The following TRPM6 variants were observed in gnomAD, a reference collection of about 807,000 sequenced individuals.
TRPM6 encodes channel kinase 2.
TRPM6 carries 111 observed loss-of-function variants against 247.6 expected under a neutral mutation model. The ratio of observed to expected loss-of-function variants is 0.45; its 90% confidence interval spans 0.38 to 0.52. TRPM6 has a LOEUF of 0.52. Among genes scored for constraint, TRPM6 ranks in the 20% least tolerant of loss-of-function variants. TRPM6 has a pLI of 0.00. For missense variants in TRPM6, 2,126 were observed against 2,421.5 expected (o/e 0.88, Z 2.56); for synonymous variants, 892 against 853.8 (o/e 1.04, Z -0.78).
chr9:74,854,082 G>A (rs1458982624), intron 3 of TRPM6, among the ~76,000 whole-genome samples: 1 of 152,054 alleles, frequency 6.6e-6, no homozygotes, highest in East Asian at 1.9e-4. Flanking sequence ...ATGGAAATGT[G>A]GTATATAACA....
chr9:74,833,945 G>A (rs142434244), intron 6 of TRPM6, 53 bp downstream of exon 6: 2 of 1,608,978 alleles, frequency 1.2e-6, no homozygotes, highest in East Asian at 2.2e-5. Flanking sequence ...TGTTAAGCTG[G>A]CAATTTGCAC....
chr9:74,791,617 T>C (rs911627111), intron 19 of TRPM6, among the ~76,000 whole-genome samples: 2 of 151,662 alleles, frequency 1.3e-5, no homozygotes, highest in Non-Finnish European at 2.9e-5. Flanking sequence ...TTAGTATTTG[T>C]TCACACAGTT....
rs1395826968 is a variant in TRPM6 at position 74,755,439 on chromosome 9, T to C, written c.4820A>G (p.Gln1607Arg). ...ITVNACSQSDQLNPEPGENSI... is the reference protein window; with the variant it reads ...ITVNACSQSDRLNPEPGENSI... ...GTTTTCTCCTGGCTCTGGATTCAAC[T>C]GGTCACTCTGAGAGCAGGCATTGAC... The change falls in exon 28 of 39, where the codon CAG becomes CGG. Residue 1607 changes from glutamine to arginine, a missense_variant. This residue lies in a region of TRPM6 where 717 missense variants were observed against 715.9 expected (regional missense o/e 1.00). Transcript: ENST00000360774. The C allele has an allele frequency of 6.2e-7, 1 of 1,614,154 alleles. No individual in the cohort carries two copies. Among genetic ancestry groups the C allele is most frequent in the South Asian group, 1.1e-5 (1 of 91,086 alleles).
intron 14 of TRPM6, among the ~76,000 whole-genome samples, chr9:74,805,429 C>T (rs912642850): frequency 2.0e-5 from 3 of 152,138 alleles, no homozygotes; most frequent in African/African-American, 7.2e-5. Flanking sequence ...GGCCGCTAAT[C>T]CCAGAAATTA....
intron 14 of TRPM6, 83 bp downstream of exon 14, chr9:74,807,951 G>T: frequency 6.7e-7 from 1 of 1,502,904 alleles, no homozygotes; most frequent in Non-Finnish European, 9.2e-7. Context: ...AGCTATTTTT[G>T]TCTGAACTTC....
At chr9:74,849,708 G>A (rs1423336687) in intron 3 of TRPM6, among the ~76,000 whole-genome samples, 1 of 152,206 alleles carries the variant, frequency 6.6e-6, no homozygotes, top group Non-Finnish European at 1.5e-5. Flanking sequence ...AAAAACAAGA[G>A]CTGAAGTGCA....
chr9:74,772,271 C>T (rs898487860), intron 24 of TRPM6, among the ~76,000 whole-genome samples: 2 of 152,170 alleles, frequency 1.3e-5, no homozygotes, highest in Non-Finnish European at 2.9e-5. Flanking sequence ...AAGCGAGACC[C>T]TGTCTCAAAA....
chr9:74,887,673 G>A (rs2118569610), intron 1 of TRPM6, 151 bp downstream of exon 1: 3 of 1,602,442 alleles, frequency 1.9e-6, no homozygotes, highest in East Asian at 4.5e-5. Flanking sequence ...CAGAGAACTT[G>A]AAAGCCGGTA....
In TRPM6 at chr9:74,739,944, A is replaced by G; in HGVS notation, c.5266T>C (p.Ser1756Pro). 1 of 1,614,112 alleles carries G rather than the reference A, an allele frequency of 6.2e-7. No individual in the cohort carries two copies. Among genetic ancestry groups the G allele is most frequent in the Non-Finnish European group, 8.5e-7 (1 of 1,180,016 alleles). ...SSPLNLDKSM[S>P]SWSQRGRAAM... ...GCTCTCCCACGCTGAGACCAAGAGG[A>G]CATGCTTTTATCAAGGTTTAAAGGG... The change falls in exon 34 of 39, where the codon TCC becomes CCC. Residue 1756 changes from serine (S) to proline (P), a missense_variant. Physicochemically the swap from Ser to Pro is moderately conservative, Grantham distance 74. Around this residue, in one of 3 missense-constraint regions of TRPM6, gnomAD observed 327 missense variants for 397.7 expected, o/e 0.82. Transcript: ENST00000360774.
chr9:74,816,710 T>G lies in TRPM6; in HGVS notation c.1267A>C (p.Ile423Leu), dbSNP rs1828945063. The G allele has an allele frequency of 2.5e-6, 4 of 1,614,210 alleles. No homozygotes were observed. In the East Asian group the frequency reaches 8.9e-5, roughly 36 times the overall value. Residue 423 changes from isoleucine to leucine, a missense_variant, in exon 11 of 39, where the codon ATT becomes CTT. Ile to Leu is a conservative substitution (Grantham distance 5, BLOSUM62 2). Around this residue, in one of 3 missense-constraint regions of TRPM6, gnomAD observed 1,082 missense variants for 1,307.9 expected, o/e 0.83. Transcript: ENST00000360774. ...NLAMAWDRVD[I>L]AKKHILIYEQ... ...TAAATTAGGATATGTTTCTTGGCAA[T>G]GTCCACCCTGTCCCAAGCCATTGCC...
chr9:74,789,976 A>G (rs1189755431), intron 19 of TRPM6, among the ~76,000 whole-genome samples: 5 of 148,534 alleles, frequency 3.4e-5, no homozygotes, highest in African/African-American at 9.9e-5. Flanking sequence ...AAAAAAAAAA[A>G]AAAAAAAAAG....
chr9:74,739,752 C>G lies in TRPM6; in HGVS notation c.5458G>C (p.Glu1820Gln), dbSNP rs1825802368. The G allele has an allele frequency of 6.2e-7, 1 of 1,613,552 alleles. No homozygotes were observed. Among genetic ancestry groups the G allele is most frequent in the Non-Finnish European group, 8.5e-7 (1 of 1,180,030 alleles). ...AGGCAAAGATGAAGCACAGTGCTCT[C>G]CTGGAAGATTTTATGCCATGTCCGC... The part of the protein sequence containing the change: ...VVRTWHKIFQ[E>Q]STVLHLCLRE... The change falls in exon 34 of 39, where the codon GAG becomes CAG. Residue 1820 changes from glutamate to glutamine, a missense_variant. Around this residue, in one of 3 missense-constraint regions of TRPM6, gnomAD observed 327 missense variants for 397.7 expected, o/e 0.82. Transcript: ENST00000360774.
At chr9:74,840,365 A>C in intron 4 of TRPM6, 128 bp from the exon 5 acceptor site, 3 of 689,300 alleles carry the variant, frequency 4.4e-6, no homozygotes, top group African/African-American at 1.8e-5. Flanking sequence ...GGATCTCTTT[A>C]AAGTTCATCT....
chr9:74,726,914 A>G (rs1039413605), intron 38 of TRPM6, among the ~76,000 whole-genome samples: 4 of 152,164 alleles, frequency 2.6e-5, no homozygotes, highest in African/African-American at 9.7e-5. Flanking sequence ...TTGGCTGTGC[A>G]CTAATCTCTT....
chr9:74,727,034 A>T (rs1290938467), intron 38 of TRPM6, among the ~76,000 whole-genome samples: 1 of 152,016 alleles, frequency 6.6e-6, no homozygotes, highest in African/African-American at 2.4e-5. Context: ...CTGGCTGACC[A>T]CTATATTCCC....
intron 19 of TRPM6, among the ~76,000 whole-genome samples, chr9:74,789,757 C>T (rs1244344142): frequency 6.6e-6 from 1 of 151,874 alleles, no homozygotes; most frequent in Non-Finnish European, 1.5e-5. Flanking sequence ...GTTAGGAGTT[C>T]GAGACCAGCC....
intron 9 of TRPM6, 196 bp downstream of exon 9, chr9:74,820,108 C>A: frequency 1.6e-6 from 1 of 615,540 alleles, no homozygotes; most frequent in South Asian, 1.9e-5. Context: ...ATCAACCCAT[C>A]ACTTAGGTAT....
At position 74,855,547 on chromosome 9, in the gene TRPM6, T is replaced by C. The variant is rs188804202; in HGVS notation, c.132A>G (p.Gln44=). The C allele has an allele frequency of 1.2e-6, 2 of 1,608,956 alleles. No individual in the cohort carries two copies. The highest frequency in any genetic ancestry group is 1.7e-5 in the Admixed American group (1 of 60,008). ...CTTACCTGATTAAATTCTGGCAGACTTGGCATACTGGAGTACATCTAAATT... is the reference window on the plus strand; with the variant it reads ...CTTACCTGATTAAATTCTGGCAGACCTGGCATACTGGAGTACATCTAAATT... ...KNPHRCTPVC[Q]VCQNLIRCYC... The change falls in exon 3 of 39, where the codon CAA becomes CAG. Residue 44 remains glutamine, a synonymous_variant. Coordinates refer to ENST00000360774, the MANE Select transcript of TRPM6 (RefSeq NM_017662.5).
chr9:74,799,537 A>C (rs936966489), intron 17 of TRPM6, among the ~76,000 whole-genome samples: 8 of 128,886 alleles, frequency 6.2e-5, no homozygotes, highest in African/African-American at 7.3e-5. Flanking sequence ...CTCAAAAAAA[A>C]ACACACACAC....
Sources: gnomAD v4.1 joint callset for allele counts (sites outside exome capture counted in the v4.1 genomes callset) on GRCh38, gnomAD v4.1.1 for gene constraint, gnomAD v4.1.1 regional missense constraint, MANE v1.5 for transcripts, NCBI Gene and HGNC (gene_info 2026-07-23, HGNC 2026-07-21) for gene names.